The following MSH3 variants were observed in gnomAD, a reference collection of about 807,000 sequenced individuals.
MSH3 encodes DNA mismatch repair protein Msh3.
MSH3 carries 106 observed loss-of-function variants against 123.3 expected under a neutral mutation model. The ratio of observed to expected loss-of-function variants is 0.86; its 90% CI spans 0.73 to 1.01. The LOEUF (loss-of-function observed/expected upper bound fraction) is 1.01. Among genes scored for constraint, MSH3 ranks in the 50% least tolerant of loss-of-function variants. MSH3 has a pLI of 0.00. For synonymous variants in MSH3, 515 were observed against 481.4 expected (o/e 1.07, Z -0.91); for missense variants, 1,459 against 1,347.6 (o/e 1.08, Z -1.29).
chr5:80,847,652 C>T (rs1182724302), intron 20 of MSH3, among the ~76,000 whole-genome samples: 3 of 152,078 alleles, frequency 2.0e-5, no homozygotes, highest in Admixed American at 1.3e-4. Flanking sequence ...ATAAAATTTT[C>T]AGCAGAATGT....
chr5:80,706,624 A>G (rs537137092), intron 8 of MSH3, among the ~76,000 whole-genome samples: 155 of 152,318 alleles, frequency 1.0e-3, no homozygotes, highest in African/African-American at 3.7e-3. Context: ...TGACATTTAG[A>G]CTATTATCAT....
At chr5:80,709,210 T>TGTGC in intron 8 of MSH3, among the ~76,000 whole-genome samples, 1 of 17,458 alleles carries the variant, frequency 5.7e-5, no homozygotes, top group African/African-American at 2.7e-4. Flanking sequence ...AAAATAGATA[T>TGTGC]GTGTGTGTGT....
intron 10 of MSH3, among the ~76,000 whole-genome samples, chr5:80,737,904 G>A (rs191408846): frequency 6.6e-6 from 1 of 152,164 alleles, no homozygotes; most frequent in African/African-American, 2.4e-5. Flanking sequence ...TAAAATCAAT[G>A]TAGATATCAG....
At chr5:80,666,655 T>C (rs1362505656) in intron 3 of MSH3, among the ~76,000 whole-genome samples, 1 of 152,192 alleles carries the variant, frequency 6.6e-6, no homozygotes, top group African/African-American at 2.4e-5. Flanking sequence ...AATGACCAAC[T>C]TGGCATGTCC....
chr5:80,818,669 T>C (rs1745149039), intron 20 of MSH3, among the ~76,000 whole-genome samples: 2 of 152,182 alleles, frequency 1.3e-5, no homozygotes, highest in South Asian at 4.2e-4. Context: ...AATAGAAAAA[T>C]CCTTACTTTA....
intron 10 of MSH3, among the ~76,000 whole-genome samples, chr5:80,729,590 A>T (rs993338814): frequency 6.6e-6 from 1 of 152,032 alleles, no homozygotes; most frequent in East Asian, 1.9e-4. Flanking sequence ...ATTAAAAAGC[A>T]TTCATAAAAA....
At chr5:80,690,508 G>C (rs1277578101) in intron 8 of MSH3, among the ~76,000 whole-genome samples, 1 of 152,012 alleles carries the variant, frequency 6.6e-6, no homozygotes, top group Non-Finnish European at 1.5e-5. Context: ...ATTTTCGTAG[G>C]GGTTTCGCTG....
intron 20 of MSH3, 78 bp downstream of exon 20, chr5:80,813,819 G>T (rs1299098251): frequency 8.8e-5 from 132 of 1,502,526 alleles, no homozygotes; most frequent in Non-Finnish European, 1.2e-4. Context: ...TTCCTTTTGT[G>T]TACATATTTA....
intron 8 of MSH3, among the ~76,000 whole-genome samples, chr5:80,712,997 G>C (rs867628327): frequency 6.6e-6 from 1 of 152,048 alleles, no homozygotes; most frequent in East Asian, 1.9e-4. Flanking sequence ...TGAATTACTC[G>C]GCTTGGAACT....
intron 6 of MSH3, among the ~76,000 whole-genome samples, chr5:80,673,264 C>T (rs1421963285): frequency 1.3e-5 from 2 of 152,180 alleles, no homozygotes; most frequent in African/African-American, 2.4e-5. Context: ...CGCTGTGGCT[C>T]ATGCCTTTAA....
At chr5:80,814,683 G>T (rs1295894248) in intron 20 of MSH3, among the ~76,000 whole-genome samples, 1 of 152,238 alleles carries the variant, frequency 6.6e-6, no homozygotes, top group Non-Finnish European at 1.5e-5. Context: ...GTTAGGCTCT[G>T]TAGAGCACAG....
intron 20 of MSH3, among the ~76,000 whole-genome samples, chr5:80,846,911 A>G (rs996207006): frequency 6.6e-6 from 1 of 152,016 alleles, no homozygotes; most frequent in Non-Finnish European, 1.5e-5. Flanking sequence ...CTCACCGTCC[A>G]TAGGCTGCAC....
At chr5:80,813,516 G>T in intron 19 of MSH3, 68 bp from the exon 20 acceptor site, 1 of 1,490,518 alleles carries the variant, frequency 6.7e-7, no homozygotes, top group Non-Finnish European at 9.4e-7. Flanking sequence ...TTCCACTTAT[G>T]AGATAAATTG....
intron 7 of MSH3, among the ~76,000 whole-genome samples, chr5:80,676,916 T>G (rs1413216755): frequency 6.6e-6 from 1 of 152,228 alleles, no homozygotes; most frequent in African/African-American, 2.4e-5. Context: ...GTGTGCGAAC[T>G]GGGACTCGGA....
intron 17 of MSH3, among the ~76,000 whole-genome samples, chr5:80,779,441 T>C (rs1437947098): frequency 6.6e-6 from 1 of 152,192 alleles, no homozygotes; most frequent in African/African-American, 2.4e-5. Context: ...GTTTTAGGCA[T>C]TGTAACACTT....
chr5:80,739,881 G>A (rs1351806845), intron 10 of MSH3, among the ~76,000 whole-genome samples: 1 of 152,160 alleles, frequency 6.6e-6, no homozygotes, highest in Admixed American at 6.5e-5. Context: ...CTGATATTAG[G>A]TTCTCTAAAG....
chr5:80,868,897 C>T (rs556901039), intron 22 of MSH3, among the ~76,000 whole-genome samples: 1 of 152,196 alleles, frequency 6.6e-6, no homozygotes, highest in South Asian at 2.1e-4. Flanking sequence ...CTGCTGCCTT[C>T]CAATATTGTT....
In MSH3 at chr5:80,662,840, A is replaced by AAAT. The variant is rs34563417; in HGVS notation, c.359-2303_359-2302insAAT. ...AGACTCTGTCTCAAAAAAAAAAAAA[A>AAAT]TTTTATTTGGGAAGCAAGAATTGCA... On this transcript the variant is annotated intron_variant, in intron 2 of 23. Coordinates refer to ENST00000265081, the MANE Select transcript of MSH3 (RefSeq NM_002439.5). Among the ~76,000 whole-genome samples, 15 of 149,442 alleles carry AAAT rather than the reference A, an allele frequency of 1.0e-4. 1 individual carries two copies. The highest frequency in any genetic ancestry group is 2.7e-4 in the African/African-American group (11 of 40,170).
chr5:80,698,433 GA>G (rs1750533027), intron 8 of MSH3, among the ~76,000 whole-genome samples: 1 of 152,176 alleles, frequency 6.6e-6, no homozygotes, highest in Non-Finnish European at 1.5e-5. Flanking sequence ...TAATTGTAAT[GA>G]AAGCGCTGGT....
Sources: gnomAD v4.1 joint callset for allele counts (sites outside exome capture counted in the v4.1 genomes callset) on GRCh38, gnomAD v4.1.1 for gene constraint, MANE v1.5 for transcripts, NCBI Gene and HGNC (gene_info 2026-07-23, HGNC 2026-07-21) for gene names.